INSIG2: variants seen among roughly 807,000 people sequenced by gnomAD.
INSIG2 encodes the protein insulin induced gene 2.
A neutral mutation model predicts 27.2 loss-of-function variants in INSIG2; 10 were observed. That is an observed-to-expected ratio of 0.37 (90% CI 0.23 to 0.62). INSIG2 has a LOEUF of 0.62. Ranked by LOEUF, INSIG2 falls within the 20% of genes least tolerant of loss-of-function variation. The probability of loss-of-function intolerance (pLI) is 0.65; values close to 1 mark genes in which losing one functional copy is unlikely to be tolerated. For synonymous variants in INSIG2, 97 were observed against 95.8 expected, an observed-to-expected ratio of 1.01 and a Z score of -0.07; for missense variants, 178 against 270.2, an observed-to-expected ratio of 0.66 and a Z score of 2.39.
chr2:118,107,134 G>A lies in INSIG2; in HGVS notation c.581G>A (p.Cys194Tyr). 6.2e-7 allele frequency: 1 copy of A among 1,613,490 alleles called. No individual in the cohort carries two copies. Among genetic ancestry groups the A allele is most frequent in the South Asian group, 1.1e-5 (1 of 91,036 alleles). Residue 194 changes from cysteine (C) to tyrosine (Y), a missense_variant, in exon 5 of 6, where the codon TGT (cysteine) becomes TAT (tyrosine). Transcript: ENST00000245787. ...DFLYVRSWLP[C>Y]IFFAGGITMG... ...CTCTATGTTCGTTCTTGGTTACCAT[G>A]TATATTTTTTGCTGGAGGCATAACA...
intron 5 of INSIG2, among the ~76,000 whole-genome samples, chr2:118,107,697 T>G (rs1678707757): frequency 6.6e-6 from 1 of 152,182 alleles, no homozygotes. Flanking sequence ...GAGAATTGAG[T>G]GACTTACTTT....
At position 118,110,670 on chromosome 2, in the gene INSIG2, T is replaced by C. The variant is rs1678791105; in HGVS notation, c.*2348T>C. ...TTTGAAATTTTGATAAATATATAAATGTATAGAACCTATTTTTTTCAATGA... is the reference window on the plus strand; with the variant it reads ...TTTGAAATTTTGATAAATATATAAACGTATAGAACCTATTTTTTTCAATGA... On this transcript the variant is annotated 3_prime_UTR_variant, in exon 6 of 6. Coordinates refer to ENST00000245787, the MANE Select transcript of INSIG2 (RefSeq NM_016133.4). 1.3e-5 allele frequency: 2 copies of C among 152,208 alleles called. No homozygotes were observed. The highest frequency in any genetic ancestry group is 4.8e-5 in the African/African-American group (2 of 41,460). 9.4% of individuals were successfully genotyped at this position (152,208 alleles called of 1,614,324 possible).
intron 1 of INSIG2, among the ~76,000 whole-genome samples, chr2:118,093,134 C>T (rs144006879): frequency 2.8e-5 from 3 of 105,352 alleles, no homozygotes; most frequent in Non-Finnish European, 5.8e-5. Context: ...TGAACCTTGC[C>T]AAAAGCAACC....
chr2:118,091,568 G>T (rs1396709694), intron 1 of INSIG2, among the ~76,000 whole-genome samples: 1 of 151,800 alleles, frequency 6.6e-6, no homozygotes, highest in African/African-American at 2.4e-5. Context: ...GTTTTGTTTC[G>T]CATGGGGGTC....
intron 3 of INSIG2, among the ~76,000 whole-genome samples, chr2:118,105,151 C>T (rs1678642745): frequency 6.6e-6 from 1 of 152,200 alleles, no homozygotes; most frequent in Non-Finnish European, 1.5e-5. Flanking sequence ...CGCCATTCTC[C>T]TGCCTCAGCC....
chr2:118,097,918 T>C (rs1678449177), intron 2 of INSIG2, among the ~76,000 whole-genome samples: 1 of 152,210 alleles, frequency 6.6e-6, no homozygotes, highest in South Asian at 2.1e-4. Flanking sequence ...TAGAATCCTG[T>C]TGCACAGTTA....
Position 118,092,933 on chromosome 2 carries a change from A to G in INSIG2, c.-138-3486A>G, listed in dbSNP as rs556836908. Among the ~76,000 whole-genome samples the G allele has an allele frequency of 3.8e-3, 527 of 139,212 alleles. 13 individuals are homozygous for G. Among genetic ancestry groups the G allele is most frequent in the African/African-American group, 0.014 (498 of 35,598 alleles). The allele number at this position is 139,212 out of a possible 152,430, so 91.3% of individuals were successfully genotyped here. On this transcript the variant is annotated intron_variant, in intron 1 of 5. Transcript: ENST00000245787. ...ACTGAACCTTGCTAAAAGCAACCAGATTATGATGATGATGAGGAGGAGGAG... is the reference window on the plus strand; with the variant it reads ...ACTGAACCTTGCTAAAAGCAACCAGGTTATGATGATGATGAGGAGGAGGAG...
chr2:118,088,907 T>C (rs949771892), intron 1 of INSIG2, among the ~76,000 whole-genome samples: 1 of 152,168 alleles, frequency 6.6e-6, no homozygotes, highest in Non-Finnish European at 1.5e-5. Context: ...CTGCCAGGAC[T>C]TGGGGGCTTG....
rs929791865 is a variant in INSIG2, at chr2:118,106,743, G to A, written c.376G>A (p.Asp126Asn). 7 of 1,612,770 alleles carry A rather than the reference G, an allele frequency of 4.3e-6. No individual in the cohort carries two copies. Among genetic ancestry groups the A allele is most frequent in the Non-Finnish European group, 5.9e-6 (7 of 1,179,276 alleles). Residue 126 changes from aspartate (D) to asparagine (N), a missense_variant, in exon 4 of 6, where the codon GAT becomes AAT. Physicochemically the swap from Asp to Asn is conservative, Grantham distance 23 (BLOSUM62 1). Transcript: ENST00000245787. ...TTCTTAACACTGATCTCAGAAAGTG[G>A]ATTTCGATAACAACATACAGTTGTC... ...VGINHASAKVDFDNNIQLSLT... is the reference protein window; with the variant it reads ...VGINHASAKVNFDNNIQLSLT...
In INSIG2 at chr2:118,109,250, T is replaced by A. The variant is rs534392262; in HGVS notation, c.*928T>A. 6.6e-6 allele frequency: 1 copy of A among 152,328 alleles called. No individual in the cohort carries two copies. Among genetic ancestry groups the A allele is most frequent in the South Asian group, 2.1e-4 (1 of 4,824 alleles). The allele number at this position is 152,328 out of a possible 1,614,324, so 9.4% of individuals were successfully genotyped here. ...ATCACAATGAGGTTTCTAAATCTGT[T>A]GGGTTCTGTCTTCTATTGGGTTCTG... On this transcript the variant is annotated 3_prime_UTR_variant, in exon 6 of 6. Transcript: ENST00000245787.
intron 3 of INSIG2, among the ~76,000 whole-genome samples, chr2:118,106,085 A>C (rs1246758461): frequency 6.6e-6 from 1 of 152,224 alleles, no homozygotes. Flanking sequence ...AGGCACCAAA[A>C]TAGCTTGGCA....
chr2:118,108,507 C>A lies in INSIG2; in HGVS notation c.*185C>A. 2.1e-6 allele frequency: 1 copy of A among 472,582 alleles called. No homozygotes were observed. The highest frequency in any genetic ancestry group is 3.8e-6 in the Non-Finnish European group (1 of 262,550). The allele number at this position is 472,582 out of a possible 1,614,324, so 29.3% of individuals were successfully genotyped here. A position where few individuals can be genotyped will look rare whatever the true frequency, so the allele number is the denominator to read the frequency against. On this transcript the variant is annotated 3_prime_UTR_variant, in exon 6 of 6. Transcript: ENST00000245787. ...ATATTACTGCAATCTGTGATTGCTT[C>A]ATCTGTAAATCAGTTGTAAACCTTT... is the stretch of plus-strand genomic sequence containing the variant.
Position 118,105,243 on chromosome 2 carries a change from A to G in INSIG2, c.370-1494A>G, listed in dbSNP as rs559488204. On this transcript the variant is annotated intron_variant, in intron 3 of 5. Coordinates refer to ENST00000245787, the MANE Select transcript of INSIG2 (RefSeq NM_016133.4). ...TTTTTAGTAGAGATGGGGTTTCACC[A>G]TGTTAGCCAGGATGGTCTCAATCTC... is the stretch of plus-strand genomic sequence containing the variant. Among the ~76,000 whole-genome samples the G allele has an allele frequency of 1.9e-3, 294 of 150,912 alleles. 2 individuals are homozygous for G. Among genetic ancestry groups the G allele is most frequent in the African/African-American group, 7.0e-3 (285 of 40,812 alleles).
intron 2 of INSIG2, 128 bp from the exon 3 acceptor site, chr2:118,103,069 C>CTTTTTTTTTTTTTTTTTTTTTTTTTTTT: frequency 1.3e-6 from 1 of 787,406 alleles, no homozygotes; most frequent in Non-Finnish European, 1.9e-6. Context: ...TGTGAAATAA[C>CTTTTTTTTTTTTTTTTTTTTTTTTTTTT]TTTTTTTTTT....
chr2:118,096,766 A>G lies in INSIG2; in HGVS notation c.210A>G (p.Ala70=). 1 of 1,613,856 alleles carries G rather than the reference A, an allele frequency of 6.2e-7. No homozygotes were observed. The highest frequency in any genetic ancestry group is 8.5e-7 in the Non-Finnish European group (1 of 1,180,004). ...TGATTGCAAGCATCTTTTCTTCTGC[A>G]TGGTGGGTACCCCCATGCTGTGGCA... The part of the protein sequence containing the change: ...PDVIASIFSS[A]WWVPPCCGTA... The change falls in exon 2 of 6, where the codon GCA becomes GCG. Residue 70 remains alanine (A), a synonymous_variant. Transcript: ENST00000245787.
At chr2:118,100,050 T>G (rs989646704) in intron 2 of INSIG2, among the ~76,000 whole-genome samples, 2 of 152,108 alleles carry the variant, frequency 1.3e-5, no homozygotes, top group Admixed American at 6.5e-5. Flanking sequence ...TTCTTCAGAG[T>G]CTTTCTGGAC....
In INSIG2 at chr2:118,108,754, A is replaced by G. The variant is rs1678739916; in HGVS notation, c.*432A>G. ...GAGGAAAGCCAAAAACAAACAAACA[A>G]AAAGCATATGGGGAGCTGGTATTTT... On this transcript the variant is annotated 3_prime_UTR_variant, in exon 6 of 6. Transcript: ENST00000245787. 6.5e-6 allele frequency: 1 copy of G among 153,564 alleles called. No homozygotes were observed. Among genetic ancestry groups the G allele is most frequent in the African/African-American group, 2.4e-5 (1 of 41,448 alleles). The allele number at this position is 153,564 out of a possible 1,614,324, so 9.5% of individuals were successfully genotyped here.
At chr2:118,094,233 A>AGATGATGATGAT (rs70949910) in intron 1 of INSIG2, among the ~76,000 whole-genome samples, 1,104 of 98,380 alleles carry the variant, frequency 0.011, 1 homozygote, top group African/African-American at 0.038. Context: ...AAAAGCAACC[A>AGATGATGATGAT]GATGATGATG....
intron 2 of INSIG2, among the ~76,000 whole-genome samples, chr2:118,098,150 A>G (rs1399871434): frequency 6.6e-6 from 1 of 152,210 alleles, no homozygotes; most frequent in Non-Finnish European, 1.5e-5. Context: ...ATTTAAATTC[A>G]GAAGAGAAAA....
Sources: gnomAD v4.1 joint callset for allele counts (sites outside exome capture counted in the v4.1 genomes callset) on GRCh38, gnomAD v4.1.1 for gene constraint, MANE v1.5 for transcripts, NCBI Gene and HGNC (gene_info 2026-07-23, HGNC 2026-07-21) for gene names.